GRM1: variants seen among roughly 807,000 people sequenced by gnomAD.
The protein encoded by GRM1 is glutamate metabotropic receptor 1.
A neutral mutation model predicts 90.9 loss-of-function variants in GRM1; 33 were observed. That is an observed-to-expected ratio of 0.36 (90% CI 0.28 to 0.49). The LOEUF (loss-of-function observed/expected upper bound fraction) is 0.49, where lower values mean the gene tolerates loss of function less well. GRM1 is among the 20% of genes least tolerant of loss of function. The pLI is 0.99. For missense variants in GRM1, 1,190 were observed against 1,534.3 expected, an observed-to-expected ratio of 0.78 and a Z score of 3.75; for synonymous variants, 700 against 613.2, an observed-to-expected ratio of 1.14 and a Z score of -2.09.
intron 2 of GRM1, 136 bp downstream of exon 2, chr6:146,159,733 G>A (rs1333050730): frequency 1.6e-5 from 12 of 760,078 alleles, no homozygotes; most frequent in Non-Finnish European, 2.4e-5. Flanking sequence ...GAGATGTGCA[G>A]TGCTGAGCTG....
Position 146,097,951 on chromosome 6 carries a change from C to T in GRM1, c.701-61397C>T, listed in dbSNP as rs74402523. On this transcript the variant is annotated intron_variant, in intron 1 of 7. Transcript: ENST00000282753. ...TACTGAACTTAAATTCTGTGATCTC[C>T]TTATTGACCACAGATTATTCCTCTG... Among the ~76,000 whole-genome samples the T allele has an allele frequency of 6.3e-3, 953 of 152,266 alleles. 11 individuals carry two copies. Among genetic ancestry groups the T allele is most frequent in the African/African-American group, 0.022 (904 of 41,558 alleles).
chr6:146,246,564 G>A (rs1195745661), intron 2 of GRM1, among the ~76,000 whole-genome samples: 1 of 152,214 alleles, frequency 6.6e-6, no homozygotes, highest in Non-Finnish European at 1.5e-5. Flanking sequence ...AGAATCCACA[G>A]AAAGGTCAGA....
chr6:146,348,683 T>A (rs1451552720), intron 3 of GRM1, among the ~76,000 whole-genome samples: 3 of 152,240 alleles, frequency 2.0e-5, no homozygotes, highest in Non-Finnish European at 4.4e-5. Context: ...TGGGCTTCTT[T>A]GTCATCATTT....
At chr6:146,028,715 G>T (rs1171886205), upstream of GRM1, among the ~76,000 whole-genome samples, 1 of 152,068 alleles carries the variant, frequency 6.6e-6, no homozygotes, top group African/African-American at 2.4e-5. Context: ...TTATGTCAGG[G>T]CTTCTTCAAC....
intron 5 of GRM1, among the ~76,000 whole-genome samples, chr6:146,384,941 G>A (rs552724729): frequency 6.6e-6 from 1 of 151,832 alleles, no homozygotes. Context: ...TAGGAAACAG[G>A]CAAATGAGGC....
At position 146,434,986 on chromosome 6, in the gene GRM1, A is replaced by G. The variant is rs911358845; in HGVS notation, c.*190A>G. On this transcript the variant is annotated 3_prime_UTR_variant, in exon 8 of 8. Coordinates refer to ENST00000282753, the MANE Select transcript of GRM1 (RefSeq NM_001278064.2). ...AGAGAGGGAAGGACACCAAGCAAAA[A>G]ATGTTCCAGGCCAGGATTCGGATTC... 45 of 607,144 alleles carry G rather than the reference A, an allele frequency of 7.4e-5. No homozygotes were observed. In the African/African-American group the frequency reaches 9.6e-4, roughly 13 times the overall value. 37.6% of individuals were successfully genotyped at this position (607,144 alleles called of 1,614,324 possible). A position where few individuals can be genotyped will look rare whatever the true frequency, so the allele number is the denominator to read the frequency against.
chr6:146,034,898 C>T (rs1790830811), intron 1 of GRM1, among the ~76,000 whole-genome samples: 1 of 151,894 alleles, frequency 6.6e-6, no homozygotes, highest in South Asian at 2.1e-4. Flanking sequence ...ATTTTGAAGA[C>T]TTAATTTCGG....
intron 2 of GRM1, among the ~76,000 whole-genome samples, chr6:146,199,380 C>T (rs1779223670): frequency 6.6e-6 from 1 of 152,180 alleles, no homozygotes; most frequent in Non-Finnish European, 1.5e-5. Flanking sequence ...CCCTGTCCCC[C>T]AGTGTTCTTG....
rs200832048 is a variant in GRM1, at chr6:146,304,650, T to C, written c.990T>C (p.Tyr330=). Residue 330 remains tyrosine (Y), a synonymous_variant, in exon 3 of 8, where the codon TAT becomes TAC. Coordinates refer to ENST00000282753, the MANE Select transcript of GRM1 (RefSeq NM_001278064.2). The part of the protein sequence containing the change: ...WADRDEVIEG[Y]EVEANGGITI... ...ACAGAGATGAAGTCATTGAAGGTTA[T>C]GAGGTGGAAGCCAACGGGGGAATCA... is the stretch of plus-strand genomic sequence containing the variant. 8.1e-6 allele frequency: 13 copies of C among 1,613,898 alleles called. No homozygotes were observed. Among genetic ancestry groups the C allele is most frequent in the African/African-American group, 1.3e-5 (1 of 75,040 alleles).
chr6:146,340,709 C>A (rs902602275), intron 3 of GRM1, among the ~76,000 whole-genome samples: 1 of 152,190 alleles, frequency 6.6e-6, no homozygotes, highest in Admixed American at 6.5e-5. Flanking sequence ...CTACACCCAG[C>A]TAATTTTTGT....
intron 1 of GRM1, among the ~76,000 whole-genome samples, chr6:146,121,596 C>T (rs554481443): frequency 6.6e-6 from 1 of 152,294 alleles, no homozygotes; most frequent in South Asian, 2.1e-4. Context: ...TCCCTCTACA[C>T]ACTGCTTTAA....
intron 4 of GRM1, among the ~76,000 whole-genome samples, chr6:146,356,603 G>T (rs549518473): frequency 6.6e-6 from 1 of 152,152 alleles, no homozygotes; most frequent in South Asian, 2.1e-4. Context: ...ATATGCATTT[G>T]TCCTGAATAT....
chr6:146,337,589 G>A (rs1310924052), intron 3 of GRM1, among the ~76,000 whole-genome samples: 3 of 152,066 alleles, frequency 2.0e-5, no homozygotes, highest in Non-Finnish European at 4.4e-5. Flanking sequence ...TGAAATTCAG[G>A]GTCTGTGTGC....
intron 1 of GRM1, among the ~76,000 whole-genome samples, chr6:146,145,918 A>C (rs1777077104): frequency 6.6e-6 from 1 of 151,942 alleles, no homozygotes; most frequent in Non-Finnish European, 1.5e-5. Context: ...TTGGGGGCCC[A>C]ACTCCCCTCA....
At chr6:146,188,240 C>T (rs1778806695) in intron 2 of GRM1, among the ~76,000 whole-genome samples, 1 of 152,060 alleles carries the variant, frequency 6.6e-6, no homozygotes, top group African/African-American at 2.4e-5. Flanking sequence ...CTTTATCCTA[C>T]CGTTAAATCA....
Position 146,284,176 on chromosome 6 carries a change from A to G in GRM1, c.951-20435A>G, listed in dbSNP as rs148436297. 4.8e-3 allele frequency among the ~76,000 whole-genome samples: 734 copies of G among 152,324 alleles called. 3 individuals are homozygous for G. The highest frequency in any genetic ancestry group is 0.015 in the African/African-American group (643 of 41,580). On this transcript the variant is annotated intron_variant, in intron 2 of 7. Coordinates refer to ENST00000282753, the MANE Select transcript of GRM1 (RefSeq NM_001278064.2). The stretch of plus-strand genomic sequence containing the variant: ...GAAATATATGAGAAGACTCATAGTC[A>G]CACATCTGATCCAGGAATGCTGGCT...
At chr6:146,087,289 G>A (rs1032421356) in intron 1 of GRM1, among the ~76,000 whole-genome samples, 2 of 152,026 alleles carry the variant, frequency 1.3e-5, no homozygotes, top group East Asian at 3.9e-4. Context: ...CCAAGAACTA[G>A]TATGAAGAGG....
chr6:146,033,443 T>C (rs1310242495), intron 1 of GRM1, among the ~76,000 whole-genome samples: 1 of 152,176 alleles, frequency 6.6e-6, no homozygotes. Flanking sequence ...GTTAATAAAA[T>C]TCAAAGCATT....
At chr6:146,380,787 G>T (rs6570762) in intron 5 of GRM1, among the ~76,000 whole-genome samples, 36,163 of 151,844 alleles carry the variant, frequency 0.24, 4,874 homozygotes, top group Middle Eastern at 0.33. Context: ...TAGTACCTGT[G>T]TATCACTGTT....
Sources: allele counts gnomAD v4.1 joint callset (sites outside exome capture counted in the v4.1 genomes callset), GRCh38; gene constraint gnomAD v4.1.1; transcripts MANE v1.5; gene names NCBI Gene and HGNC (gene_info 2026-07-23, HGNC 2026-07-21).